The following RIMS1 variants were observed in gnomAD, a reference collection of about 807,000 sequenced individuals.
The protein encoded by RIMS1 is regulating synaptic membrane exocytosis 1, also known as regulating synaptic membrane exocytosis protein 1.
Under a neutral mutation model 214.1 loss-of-function variants are expected in RIMS1, and 83 were observed. The observed-to-expected ratio is 0.39, with a 90% CI of 0.32 to 0.47. The LOEUF is 0.47. RIMS1 is among the 20% of genes least tolerant of loss of function. RIMS1 has a pLI of 0.99. For missense variants in RIMS1, 2,050 were observed against 2,161.8 expected, an observed-to-expected ratio of 0.95 and a Z score of 1.03; for synonymous variants, 793 against 786.8, an observed-to-expected ratio of 1.01 and a Z score of -0.13.
chr6:72,045,776 T>C (rs565478607), intron 2 of RIMS1, among the ~76,000 whole-genome samples: 4 of 151,932 alleles, frequency 2.6e-5, no homozygotes, highest in Admixed American at 1.3e-4. Context: ...TTTCCAGATG[T>C]TTATTGGCCA....
chr6:72,248,138 T>TTTGTACATG lies in RIMS1; in HGVS notation c.2241+15_2241+23dup. On this transcript the variant is annotated intron_variant, in intron 12 of 33. Coordinates refer to ENST00000521978, the MANE Select transcript of RIMS1 (RefSeq NM_014989.7). The stretch of plus-strand genomic sequence containing the variant: ...CCAGGGCAACTTTCTGTATGTATTT[T>TTTGTACATG]TTGTACATGTTGGAGGCTGTTAGTA... 1 of 1,550,214 alleles carries TTTGTACATG rather than the reference T, an allele frequency of 6.5e-7. No homozygotes were observed. The highest frequency in any genetic ancestry group is 8.9e-7 in the Non-Finnish European group (1 of 1,124,530).
At chr6:72,243,383 A>G (rs1452512097) in intron 10 of RIMS1, among the ~76,000 whole-genome samples, 5 of 151,710 alleles carry the variant, frequency 3.3e-5, no homozygotes, top group Admixed American at 6.6e-5. Flanking sequence ...AAAACTCTAA[A>G]ATAAAGGCAA....
intron 19 of RIMS1, chr6:72,261,087 A>T (rs112164532): frequency 8.3e-7 from 1 of 1,199,958 alleles, no homozygotes; most frequent in Non-Finnish European, 1.1e-6. Flanking sequence ...AGTGCCCCCA[A>T]CTTTCCCACA....
intron 2 of RIMS1, among the ~76,000 whole-genome samples, chr6:72,077,080 C>G (rs1832089924): frequency 6.6e-6 from 1 of 152,142 alleles, no homozygotes; most frequent in Non-Finnish European, 1.5e-5. Flanking sequence ...TCCTGTCCAG[C>G]CTTTGCACGG....
intron 1 of RIMS1, among the ~76,000 whole-genome samples, chr6:71,955,864 G>A (rs1791105304): frequency 6.6e-6 from 1 of 151,994 alleles, no homozygotes; most frequent in African/African-American, 2.4e-5. Context: ...TAAAGTAAGG[G>A]GGTTATTTTG....
chr6:71,961,620 T>C (rs1792978668), intron 1 of RIMS1, among the ~76,000 whole-genome samples: 2 of 152,150 alleles, frequency 1.3e-5, no homozygotes, highest in Admixed American at 6.6e-5. Flanking sequence ...CTCTTTCTCC[T>C]TCTGGAGAGT....
intron 1 of RIMS1, among the ~76,000 whole-genome samples, chr6:71,928,962 C>T (rs1462228401): frequency 1.3e-5 from 2 of 152,098 alleles, no homozygotes; most frequent in African/African-American, 4.8e-5. Context: ...AATGTGTCAT[C>T]AGGAATTTAC....
chr6:72,098,303 T>C (rs2032487826), intron 3 of RIMS1, among the ~76,000 whole-genome samples: 1 of 144,608 alleles, frequency 6.9e-6, no homozygotes. Flanking sequence ...TTTTTTTTTT[T>C]TCTTTTTTTT....
chr6:72,392,642 G>T (rs2098718741), intron 30 of RIMS1, 56 bp from the exon 31 acceptor site: 3 of 1,203,286 alleles, frequency 2.5e-6, no homozygotes, highest in South Asian at 2.4e-5. Flanking sequence ...CTAGTGAAAA[G>T]AATTCTAGAA....
chr6:72,232,705 G>C (rs2154082259), intron 6 of RIMS1, among the ~76,000 whole-genome samples: 1 of 151,818 alleles, frequency 6.6e-6, no homozygotes, highest in Non-Finnish European at 1.5e-5. Flanking sequence ...AAGGGAAGCA[G>C]TTCCTAAAAA....
intron 1 of RIMS1, among the ~76,000 whole-genome samples, chr6:71,928,253 G>A (rs541859860): frequency 3.9e-5 from 6 of 152,064 alleles, no homozygotes; most frequent in East Asian, 1.9e-4. Context: ...CTTGAAATCC[G>A]ATTTTTAAAA....
At chr6:72,287,934 A>G (rs1293236930) in intron 24 of RIMS1, among the ~76,000 whole-genome samples, 1 of 152,170 alleles carries the variant, frequency 6.6e-6, no homozygotes, top group African/African-American at 2.4e-5. Flanking sequence ...TAGAGTAGGT[A>G]TTTGTTAAAT....
chr6:72,055,847 AG>A (rs375940342), intron 2 of RIMS1, among the ~76,000 whole-genome samples: 9 of 152,352 alleles, frequency 5.9e-5, no homozygotes, highest in Middle Eastern at 6.8e-3. Context: ...TGTGAAAAGC[AG>A]TTTGGTTATT....
At chr6:72,217,081 G>T (rs1251158889) in intron 6 of RIMS1, 3 of 1,503,772 alleles carry the variant, frequency 2.0e-6, no homozygotes, top group Non-Finnish European at 1.8e-6. Flanking sequence ...TTAAAATGTT[G>T]TATTTTGGTG....
At chr6:71,954,246 T>C (rs1031101105) in intron 1 of RIMS1, among the ~76,000 whole-genome samples, 2 of 152,214 alleles carry the variant, frequency 1.3e-5, no homozygotes, top group African/African-American at 2.4e-5. Context: ...AAAATATCAA[T>C]TTTAGGATTT....
Position 72,183,058 on chromosome 6 carries a change from G to C in RIMS1, c.1587G>C (p.Ser529=), listed in dbSNP as rs963773572. The C allele has an allele frequency of 1.3e-6, 2 of 1,596,318 alleles. No homozygotes were observed. The highest frequency in any genetic ancestry group is 1.3e-5 in the African/African-American group (1 of 74,644). ...GAGGCGGCAAGAAGCGGCAGATGTC[G>C]GTGAGCAGCTCTGAGGAGGAGGGCG... is the stretch of plus-strand genomic sequence containing the variant. ...SKRGGKKRQM[S]VSSSEEEGVS... Residue 529 remains serine (S), a synonymous_variant, in exon 6 of 34, where the codon TCG becomes TCC. Coordinates refer to ENST00000521978, the MANE Select transcript of RIMS1 (RefSeq NM_014989.7).
intron 29 of RIMS1, among the ~76,000 whole-genome samples, chr6:72,343,110 G>A (rs1055554782): frequency 6.6e-6 from 1 of 151,724 alleles, no homozygotes; most frequent in South Asian, 2.1e-4. Flanking sequence ...CATTTATCAG[G>A]GATCAAGGCC....
Position 72,388,250 on chromosome 6 carries a change from T to C in RIMS1, c.4367-2348T>C, listed in dbSNP as rs773435822. Among the ~76,000 whole-genome samples the C allele has an allele frequency of 6.6e-5, 10 of 152,028 alleles. No individual in the cohort carries two copies. The South Asian group carries it at 8.3e-4, about 13-fold the overall frequency. ...GCCTGTCTTGAAGCAGAAATCTGAATAAGGAGCAAGGCAAGAAAGTCAGAA... is the reference window on the plus strand; with the variant it reads ...GCCTGTCTTGAAGCAGAAATCTGAACAAGGAGCAAGGCAAGAAAGTCAGAA... On this transcript the variant is annotated intron_variant, in intron 29 of 33. Transcript: ENST00000521978.
At chr6:72,008,481 G>C (rs951450541) in intron 2 of RIMS1, among the ~76,000 whole-genome samples, 2 of 151,892 alleles carry the variant, frequency 1.3e-5, no homozygotes, top group African/African-American at 2.4e-5. Context: ...CAATATTAAC[G>C]TTCAATGTAA....
Sources: allele counts gnomAD v4.1 joint callset (sites outside exome capture counted in the v4.1 genomes callset), GRCh38; gene constraint gnomAD v4.1.1; transcripts MANE v1.5; gene names NCBI Gene and HGNC (gene_info 2026-07-23, HGNC 2026-07-21).